SLC35F4: variants seen among roughly 807,000 people sequenced by gnomAD.
SLC35F4 encodes the protein solute carrier family 35 member F4.
In SLC35F4, 24 loss-of-function variants were observed where a neutral mutation model predicts 44.2. The observed-to-expected ratio is 0.54, with a 90% CI of 0.39 to 0.76. The LOEUF is 0.76. Ranked by LOEUF, SLC35F4 falls within the 30% of genes least tolerant of loss-of-function variation. The pLI is 0.00. For synonymous variants in SLC35F4, 238 were observed against 223.6 expected (o/e 1.06, Z -0.57); for missense variants, 562 against 586.1 (o/e 0.96, Z 0.42).
chr14:57,628,405 C>T (rs944439985), intron 1 of SLC35F4, among the ~76,000 whole-genome samples: 12 of 139,688 alleles, frequency 8.6e-5, no homozygotes, highest in Non-Finnish European at 1.4e-4. Context: ...CCCATCAACC[C>T]GTCATTTACA....
intron 1 of SLC35F4, among the ~76,000 whole-genome samples, chr14:57,897,799 A>G (rs1888912142): frequency 6.6e-6 from 1 of 152,176 alleles, no homozygotes; most frequent in Non-Finnish European, 1.5e-5. Flanking sequence ...TTGCTTCTAA[A>G]TGTAGCCCCC....
intron 1 of SLC35F4, among the ~76,000 whole-genome samples, chr14:57,850,608 A>G (rs1886470096): frequency 1.3e-5 from 2 of 152,352 alleles, no homozygotes; most frequent in South Asian, 2.1e-4. Flanking sequence ...TTATGGATAT[A>G]ACATGATACT....
At chr14:57,960,686 G>A (rs1024209631) in intron 1 of SLC35F4, among the ~76,000 whole-genome samples, 5 of 152,130 alleles carry the variant, frequency 3.3e-5, no homozygotes, top group African/African-American at 1.2e-4. Context: ...ATCCCTAGAG[G>A]TAACTAAGAG....
chr14:57,980,690 G>T (rs1258928511), intron 1 of SLC35F4, among the ~76,000 whole-genome samples: 1 of 152,172 alleles, frequency 6.6e-6, no homozygotes, highest in East Asian at 1.9e-4. Context: ...GGCAAAGAAA[G>T]CTGTATCCCT....
At chr14:57,574,861 G>A (rs2068698937) in intron 4 of SLC35F4, among the ~76,000 whole-genome samples, 1 of 149,234 alleles carries the variant, frequency 6.7e-6, no homozygotes. Flanking sequence ...CACATTTTCA[G>A]AATCAATCAG....
intron 1 of SLC35F4, among the ~76,000 whole-genome samples, chr14:57,636,150 G>A (rs2073007013): frequency 1.3e-5 from 2 of 152,114 alleles, no homozygotes; most frequent in Admixed American, 6.6e-5. Flanking sequence ...AGGAGAACCA[G>A]TAGGAGTTAG....
chr14:57,845,692 G>A (rs17093777), intron 1 of SLC35F4, among the ~76,000 whole-genome samples: 3 of 152,182 alleles, frequency 2.0e-5, no homozygotes, highest in Non-Finnish European at 2.9e-5. Flanking sequence ...GTCAGAAGCT[G>A]TATGTGCTGG....
upstream of SLC35F4, among the ~76,000 whole-genome samples, chr14:57,869,780 G>A (rs1159474714): frequency 1.3e-5 from 2 of 152,182 alleles, no homozygotes; most frequent in Non-Finnish European, 2.9e-5. Context: ...ATAAGAAATG[G>A]CACCTGAGAA....
chr14:57,683,781 C>T (rs969743287), intron 1 of SLC35F4, among the ~76,000 whole-genome samples: 5 of 152,106 alleles, frequency 3.3e-5, no homozygotes, highest in Admixed American at 1.3e-4. Flanking sequence ...ATAGACTAGA[C>T]TAGGGGCTCA....
At chr14:57,581,810 C>A (rs1357584856) in intron 3 of SLC35F4, among the ~76,000 whole-genome samples, 2 of 152,240 alleles carry the variant, frequency 1.3e-5, no homozygotes, top group Non-Finnish European at 2.9e-5. Flanking sequence ...GCTGCTACTA[C>A]TCTGTGAACG....
At chr14:57,570,366 G>C (rs1030277389) in intron 5 of SLC35F4, among the ~76,000 whole-genome samples, 4 of 152,124 alleles carry the variant, frequency 2.6e-5, no homozygotes, top group Non-Finnish European at 2.9e-5. Flanking sequence ...TCCTTATTTT[G>C]ATAGATACTG....
chr14:57,859,549 A>C (rs1013360643), intron 1 of SLC35F4, among the ~76,000 whole-genome samples: 1 of 152,236 alleles, frequency 6.6e-6, no homozygotes, highest in South Asian at 2.1e-4. Context: ...AGCTGGGTTC[A>C]GATTGTGGCA....
At chr14:57,586,717 C>CAAAAAA (rs543963927) in intron 3 of SLC35F4, among the ~76,000 whole-genome samples, 2 of 12,494 alleles carry the variant, frequency 1.6e-4, no homozygotes, top group Non-Finnish European at 6.2e-4. Flanking sequence ...GACTCTGTCT[C>CAAAAAA]AAAAAAAAAA....
At chr14:57,937,291 C>A (rs1234362962) in intron 1 of SLC35F4, among the ~76,000 whole-genome samples, 1 of 152,084 alleles carries the variant, frequency 6.6e-6, no homozygotes, top group African/African-American at 2.4e-5. Context: ...TGGTCTCAAA[C>A]TCCTGACCTC....
intron 6 of SLC35F4, 123 bp downstream of exon 6, chr14:57,569,665 G>A: frequency 1.8e-6 from 2 of 1,135,068 alleles, no homozygotes; most frequent in Non-Finnish European, 2.4e-6. Flanking sequence ...CAACGACATT[G>A]AACAACATAA....
chr14:57,824,770 A>C (rs1883545554), intron 1 of SLC35F4, among the ~76,000 whole-genome samples: 1 of 152,166 alleles, frequency 6.6e-6, no homozygotes, highest in Non-Finnish European at 1.5e-5. Context: ...TGACTGAACA[A>C]GGGAGAAAGT....
rs1004893470 is a variant in SLC35F4, at chr14:57,866,004, G to A, written c.-179C>T. On this transcript the variant is annotated 5_prime_UTR_variant, in exon 1 of 8. Coordinates refer to ENST00000556826, the MANE Select transcript of SLC35F4 (RefSeq NM_001306087.2). ...TCCGCATCACAGCGGCGGCGGCGGC[G>A]GCGGCGGCGGAGCGGCCCCCACTCG... The A allele has an allele frequency of 2.8e-6, 1 of 359,332 alleles. No individual in the cohort carries two copies. The highest frequency in any genetic ancestry group is 4.8e-6 in the Non-Finnish European group (1 of 207,546). The allele number at this position is 359,332 out of a possible 1,614,324, so 22.3% of individuals were successfully genotyped here.
chr14:57,937,221 C>T (rs1889813738), intron 1 of SLC35F4, among the ~76,000 whole-genome samples: 1 of 152,138 alleles, frequency 6.6e-6, no homozygotes, highest in Admixed American at 6.5e-5. Context: ...GCATGCGCCA[C>T]TACGCCCAGC....
intron 1 of SLC35F4, among the ~76,000 whole-genome samples, chr14:57,683,038 CTG>C (rs1424403891): frequency 6.6e-6 from 1 of 151,502 alleles, no homozygotes; most frequent in Non-Finnish European, 1.5e-5. Flanking sequence ...GGGAGGGACT[CTG>C]TTCTACGGAA....
Sources: gnomAD v4.1 joint callset for allele counts (sites outside exome capture counted in the v4.1 genomes callset) on GRCh38, gnomAD v4.1.1 for gene constraint, MANE v1.5 for transcripts, NCBI Gene and HGNC (gene_info 2026-07-23, HGNC 2026-07-21) for gene names.